Variants in SATB1 observed in about 807,000 individuals in gnomAD.
SATB1 encodes the protein SATB homeobox 1, also known as DNA-binding protein SATB1.
A neutral mutation model predicts 86.9 loss-of-function variants in SATB1; 11 were observed. The ratio of observed to expected loss-of-function variants is 0.13; its 90% confidence interval spans 0.08 to 0.21. The LOEUF is 0.21. Among genes scored for constraint, SATB1 ranks in the 10% least tolerant of loss-of-function variants. SATB1 has a pLI of 1.00. For synonymous variants in SATB1, 357 were observed against 357.2 expected, an observed-to-expected ratio of 1.00 and a Z score of 0.01; for missense variants, 551 against 937.6, an observed-to-expected ratio of 0.59 and a Z score of 5.39.
At chr3:18,357,809 C>T (rs1038609314) in intron 9 of SATB1, among the ~76,000 whole-genome samples, 5 of 151,794 alleles carry the variant, frequency 3.3e-5, no homozygotes, top group Non-Finnish European at 7.4e-5. Flanking sequence ...GTTTTATGCA[C>T]ACTGTGCCTC....
At chr3:18,427,906 G>A (rs992693363), upstream of SATB1, among the ~76,000 whole-genome samples, 2 of 151,920 alleles carry the variant, frequency 1.3e-5, no homozygotes, top group Non-Finnish European at 2.9e-5. Flanking sequence ...AAGTAAAATG[G>A]CACATAGAGG....
At chr3:18,351,077 G>C in intron 10 of SATB1, 1 of 515,398 alleles carries the variant, frequency 1.9e-6, no homozygotes, top group Non-Finnish European at 3.5e-6. Flanking sequence ...ATGACTACCT[G>C]ATCCCAGAAC....
intron 1 of SATB1, chr3:18,445,330 TCCC>T: frequency 2.0e-6 from 2 of 980,688 alleles, no homozygotes; most frequent in Non-Finnish European, 2.4e-6. Flanking sequence ...GCTCCCGGGC[TCCC>T]TCCCAGCGCG....
chr3:18,351,220 T>A (rs540592015), intron 10 of SATB1: 1 of 1,015,330 alleles, frequency 9.8e-7, no homozygotes, highest in East Asian at 2.6e-5. Context: ...TAGTAGGGCC[T>A]TTACAGGTTT....
upstream of SATB1, among the ~76,000 whole-genome samples, chr3:18,441,107 C>T (rs1699232451): frequency 6.6e-6 from 1 of 152,152 alleles, no homozygotes; most frequent in African/African-American, 2.4e-5. Context: ...AAATCAAACC[C>T]CATTCCTTAA....
At chr3:18,399,357 G>A (rs1697131438) in intron 5 of SATB1, among the ~76,000 whole-genome samples, 1 of 152,122 alleles carries the variant, frequency 6.6e-6, no homozygotes, top group Non-Finnish European at 1.5e-5. Flanking sequence ...GACAGCCTCT[G>A]CCTACAAGAA....
At chr3:18,433,967 A>T (rs116125425) in intron 2 of SATB1, among the ~76,000 whole-genome samples, 1,910 of 152,186 alleles carry the variant, frequency 0.013, 16 homozygotes, top group Middle Eastern at 0.031. Flanking sequence ...TTTTGCAAAG[A>T]CTTTTCATTT....
chr3:18,371,349 TAC>T (rs2125171131), intron 9 of SATB1, among the ~76,000 whole-genome samples: 1 of 152,314 alleles, frequency 6.6e-6, no homozygotes, highest in East Asian at 1.9e-4. Flanking sequence ...AATTATAAAT[TAC>T]AGAGTAGTTA....
chr3:18,443,598 G>A (rs1447296524), upstream of SATB1, among the ~76,000 whole-genome samples: 1 of 152,158 alleles, frequency 6.6e-6, no homozygotes, highest in Non-Finnish European at 1.5e-5. This position sits in a 1 kb window ranked among gnomAD's most constrained non-coding sequence, Gnocchi z 4.4. Context: ...TTGGTCTTCT[G>A]AGGTCATCCC....
At chr3:18,375,852 G>A (rs115635070) in intron 9 of SATB1, among the ~76,000 whole-genome samples, 1,865 of 152,262 alleles carry the variant, frequency 0.012, 34 homozygotes, top group South Asian at 0.048. Flanking sequence ...TAGGACGTTA[G>A]AGTAAATTAG....
chr3:18,427,390 T>A (rs1698744407), upstream of SATB1, among the ~76,000 whole-genome samples: 1 of 152,060 alleles, frequency 6.6e-6, no homozygotes, highest in Admixed American at 6.6e-5. Context: ...ATTATAGTGG[T>A]CCACACACAC....
chr3:18,367,566 T>C (rs1357915509), intron 9 of SATB1, among the ~76,000 whole-genome samples: 2 of 152,182 alleles, frequency 1.3e-5, no homozygotes, highest in Non-Finnish European at 2.9e-5. Context: ...TCTTATTAGA[T>C]AGGGACCTGG....
At chr3:18,364,014 A>G (rs1481754020) in intron 9 of SATB1, among the ~76,000 whole-genome samples, 1 of 152,200 alleles carries the variant, frequency 6.6e-6, no homozygotes, top group Non-Finnish European at 1.5e-5. Context: ...ACCTCTGTTT[A>G]CATGCTTTGG....
chr3:18,390,081 G>T (rs1052918328), intron 7 of SATB1, among the ~76,000 whole-genome samples: 36 of 152,092 alleles, frequency 2.4e-4, no homozygotes, highest in Non-Finnish European at 5.3e-4. Context: ...ATTAGTAGTT[G>T]TAAAAGAAAG....
At chr3:18,381,114 T>A (rs1339216944) in intron 8 of SATB1, among the ~76,000 whole-genome samples, 1 of 152,288 alleles carries the variant, frequency 6.6e-6, no homozygotes, top group East Asian at 1.9e-4. Flanking sequence ...TACCCTCCCA[T>A]GTGGGGATAG....
At chr3:18,354,437 A>G (rs888762531) in intron 9 of SATB1, among the ~76,000 whole-genome samples, 12 of 152,306 alleles carry the variant, frequency 7.9e-5, no homozygotes, top group African/African-American at 2.4e-4. Flanking sequence ...ACAGTTTTAT[A>G]TACCTTTCAA....
In SATB1 at chr3:18,352,527, T is replaced by C. The variant is rs1240496229; in HGVS notation, c.1576-332A>G. 4.7e-5 allele frequency: 11 copies of C among 234,716 alleles called. 1 individual carries two copies. In the Admixed American group the frequency reaches 5.0e-4, roughly 11 times the overall value. 14.5% of individuals were successfully genotyped at this position (234,716 alleles called of 1,614,324 possible). ...GATGTGCTTCAGTCTTGCACAACTTTGCTATCTGACGAGTGGCTGGCCATC... is the reference window on the plus strand; with the variant it reads ...GATGTGCTTCAGTCTTGCACAACTTCGCTATCTGACGAGTGGCTGGCCATC... On this transcript the variant is annotated intron_variant, in intron 9 of 10. Transcript: ENST00000338745. This position sits in a 1 kb window ranked among gnomAD's most constrained non-coding sequence, Gnocchi z 4.1.
In SATB1 at chr3:18,411,981, T is replaced by C. The variant is rs74283435; in HGVS notation, c.639+3130A>G. Among the ~76,000 whole-genome samples the C allele has an allele frequency of 6.0e-3, 902 of 149,708 alleles. 23 individuals are homozygous for C. In the East Asian group the frequency reaches 0.068, roughly 11 times the overall value. On this transcript the variant is annotated intron_variant, in intron 5 of 10. Transcript: ENST00000338745. ...ATTGTACCCAAATGTAAGTATTCCT[T>C]TTTTTTTTTGAAACGGAGTCTCGTT...
At chr3:18,440,975 C>A (rs986918370), upstream of SATB1, among the ~76,000 whole-genome samples, 1 of 152,278 alleles carries the variant, frequency 6.6e-6, no homozygotes, top group South Asian at 2.1e-4. Flanking sequence ...TCGAGATAGT[C>A]CTCATTTGTT....
Sources: gnomAD v4.1 joint callset for allele counts (sites outside exome capture counted in the v4.1 genomes callset) on GRCh38, gnomAD v4.1.1 for gene constraint, Gnocchi (gnomAD v3.1) non-coding constraint, MANE v1.5 for transcripts, NCBI Gene and HGNC (gene_info 2026-07-23, HGNC 2026-07-21) for gene names.